SYT5: variants seen among roughly 807,000 people sequenced by gnomAD.
The protein encoded by SYT5 is synaptotagmin 5.
Under a neutral mutation model 36.0 loss-of-function variants are expected in SYT5, and 29 were observed. That is an observed-to-expected ratio of 0.81 (90% CI 0.60 to 1.10). The LOEUF (loss-of-function observed/expected upper bound fraction) is 1.10. SYT5 is among the 50% of genes least tolerant of loss of function. The pLI, the probability that SYT5 is intolerant of heterozygous loss-of-function variation, is 0.00. For synonymous variants in SYT5, 231 were observed against 227.6 expected (o/e 1.02, Z -0.14); for missense variants, 512 against 516.0 (o/e 0.99, Z 0.08).
At position 55,175,726 on chromosome 19, in the gene SYT5, C is replaced by T; in HGVS notation, c.523G>A (p.Glu175Lys). The change falls in exon 5 of 9, where the codon GAG (glutamate) becomes AAG (lysine). Residue 175 changes from glutamate (E) to lysine (K), a missense_variant. By Grantham distance (56) the Glu-to-Lys change is moderately conservative. Transcript: ENST00000354308. This position sits in a 1 kb window ranked among gnomAD's most constrained non-coding sequence, Gnocchi z 4.5. ...GAGCTCACCTTGAAGGCGAAGGTCT[C>T]CCCAAAGTGAGGGTTCAGCGTCTGC... is the stretch of plus-strand genomic sequence containing the variant. ...HRQTLNPHFG[E>K]TFAFKVPYVE... 6.2e-7 allele frequency: 1 copy of T among 1,613,804 alleles called. No individual in the cohort carries two copies. The highest frequency in any genetic ancestry group is 8.5e-7 in the Non-Finnish European group (1 of 1,180,008).
chr19:55,178,536 C>T (rs1407545683), intron 2 of SYT5, among the ~76,000 whole-genome samples, 168 bp from the exon 3 acceptor site: 2 of 152,142 alleles, frequency 1.3e-5, no homozygotes, highest in Admixed American at 1.3e-4. Context: ...TAGAGAGATT[C>T]GATGCCCCAA....
Position 55,175,179 on chromosome 19 carries a change from C to A in SYT5, c.701G>T (p.Arg234Leu). 6.3e-7 allele frequency: 1 copy of A among 1,599,244 alleles called. No homozygotes were observed. Among genetic ancestry groups the A allele is most frequent in the East Asian group, 2.3e-5 (1 of 43,960 alleles). Reference protein sequence around the residue: ...QAWRELQAAPREEQEKLGDIC... With the variant: ...QAWRELQAAPLEEQEKLGDIC... ...GCGACCGCGCATGCTCACCTCCTCC[C>A]GCGGAGCCGCCTGCAGCTCCCGCCA... is the stretch of plus-strand genomic sequence containing the variant. The change falls in exon 6 of 9, where the codon CGG becomes CTG. Residue 234 changes from arginine to leucine, a missense_variant. Coordinates refer to ENST00000354308, the MANE Select transcript of SYT5 (RefSeq NM_003180.3). This position sits in a 1 kb window ranked among gnomAD's most constrained non-coding sequence, Gnocchi z 4.5.
chr19:55,179,203 C>A lies in SYT5; in HGVS notation c.-45-117G>T, dbSNP rs2086116468. ...CAGAAACCGGACAGCCACCGCGAGT[C>A]ATGCTGGGAGTTGTAGTATCAGCCT... On this transcript the variant is annotated intron_variant, in intron 1 of 8. Transcript: ENST00000354308. The surrounding 1 kb of genome is among the most constrained non-coding windows in gnomAD (Gnocchi z 4.5). 1 of 1,530,486 alleles carries A rather than the reference C, an allele frequency of 6.5e-7. No homozygotes were observed. The allele number at this position is 1,530,486 out of a possible 1,614,324, so 94.8% of individuals were successfully genotyped here. A position where few individuals can be genotyped will look rare whatever the true frequency, so the allele number is the denominator to read the frequency against.
chr19:55,175,374 G>T lies in SYT5; in HGVS notation c.541-35C>A. On this transcript the variant is annotated intron_variant, in intron 5 of 8. Transcript: ENST00000354308. The surrounding 1 kb of genome is among the most constrained non-coding windows in gnomAD (Gnocchi z 4.5). ...ACAGAGAATCCGCAGTAGAGAGCAG[G>T]AAGTCAGAGATAGGGTGAGGCACAG... 1 of 1,501,988 alleles carries T rather than the reference G, an allele frequency of 6.7e-7. No homozygotes were observed. Among genetic ancestry groups the T allele is most frequent in the Admixed American group, 2.3e-5 (1 of 42,554 alleles). 93.0% of individuals were successfully genotyped at this position (1,501,988 alleles called of 1,614,324 possible).
Position 55,175,429 on chromosome 19 carries a change from C to A in SYT5, c.541-90G>T, listed in dbSNP as rs1190651614. The A allele has an allele frequency of 7.3e-7, 1 of 1,364,972 alleles. No individual in the cohort carries two copies. Among genetic ancestry groups the A allele is most frequent in the Non-Finnish European group, 9.7e-7 (1 of 1,026,248 alleles). 84.6% of individuals were successfully genotyped at this position (1,364,972 alleles called of 1,614,324 possible). A position where few individuals can be genotyped will look rare whatever the true frequency, so the allele number is the denominator to read the frequency against. On this transcript the variant is annotated intron_variant, in intron 5 of 8. Coordinates refer to ENST00000354308, the MANE Select transcript of SYT5 (RefSeq NM_003180.3). The surrounding 1 kb of genome is among the most constrained non-coding windows in gnomAD (Gnocchi z 4.5). ...ACCAGAAGGAAGGCATGGAGTGAGGCAGCGAGGGTCGAAGCGAACAGTTGG... is the reference window on the plus strand; with the variant it reads ...ACCAGAAGGAAGGCATGGAGTGAGGAAGCGAGGGTCGAAGCGAACAGTTGG...
intron 2 of SYT5, among the ~76,000 whole-genome samples, 197 bp from the exon 3 acceptor site, chr19:55,178,565 G>A (rs2086104205): frequency 6.6e-6 from 1 of 152,044 alleles, no homozygotes; most frequent in Non-Finnish European, 1.5e-5. Flanking sequence ...GACACCATCT[G>A]GATTTGCTTG....
chr19:55,173,857 G>A lies in SYT5; in HGVS notation c.961-173C>T, dbSNP rs534361944. 135 of 560,858 alleles carry A rather than the reference G, an allele frequency of 2.4e-4. No homozygotes were observed. Among genetic ancestry groups the A allele is most frequent in the Middle Eastern group, 1.6e-3 (3 of 1,922 alleles). 34.7% of individuals were successfully genotyped at this position (560,858 alleles called of 1,614,324 possible). ...AGACGAGAGGGACGGAGCCTGCGGCGAGGAGGAGGCTCTGGCGCCTTTCTT... is the reference window on the plus strand; with the variant it reads ...AGACGAGAGGGACGGAGCCTGCGGCAAGGAGGAGGCTCTGGCGCCTTTCTT... On this transcript the variant is annotated intron_variant, in intron 8 of 8. Transcript: ENST00000354308. This position sits in a 1 kb window ranked among gnomAD's most constrained non-coding sequence, Gnocchi z 5.4.
At chr19:55,178,808 C>T (rs1054750264) in intron 2 of SYT5, among the ~76,000 whole-genome samples, 155 bp downstream of exon 2, 1 of 135,028 alleles carries the variant, frequency 7.4e-6, no homozygotes, top group Non-Finnish European at 1.5e-5. Flanking sequence ...TTCCTTTTAC[C>T]CCATTTCGTT....
At chr19:55,178,842 C>G (rs1364419557) in intron 2 of SYT5, 121 bp downstream of exon 2, 3 of 1,184,710 alleles carry the variant, frequency 2.5e-6, no homozygotes, top group South Asian at 2.4e-5. Flanking sequence ...AGGATGACGA[C>G]CCGGGATCCC....
rs561836708 is a variant in SYT5, at chr19:55,176,071, C to G, written c.306G>C (p.Gln102His). 1.2e-5 allele frequency: 19 copies of G among 1,614,214 alleles called. 1 individual carries two copies. In the South Asian group the frequency reaches 2.0e-4, roughly 17 times the overall value. ...LEPAPSGPGQQVADKHELGRL... is the reference protein window; with the variant it reads ...LEPAPSGPGQHVADKHELGRL... ...GTCCTAGCTCATGCTTGTCTGCCAC[C>G]TGCTGCCCTGGCCCGGATGGTGCTG... The change falls in exon 4 of 9, where the codon CAG becomes CAC. Residue 102 changes from glutamine to histidine, a missense_variant. Transcript: ENST00000354308.
At chr19:55,174,275 A>T (rs7247661) in intron 8 of SYT5, among the ~76,000 whole-genome samples, 2 of 60,572 alleles carry the variant, frequency 3.3e-5, no homozygotes, top group Non-Finnish European at 5.4e-5. Context: ...AGCATCTGGT[A>T]CTGCTTAGGG....
At chr19:55,176,673 T>C (rs76489498) in intron 3 of SYT5, among the ~76,000 whole-genome samples, 11,067 of 152,210 alleles carry the variant, frequency 0.073, 915 homozygotes, top group Admixed American at 0.24. Context: ...CTTCAGGGAT[T>C]CTGACTTGAT....
Position 55,172,806 on chromosome 19 carries a change from G to A in SYT5, c.*678C>T, listed in dbSNP as rs763311144. The stretch of plus-strand genomic sequence containing the variant: ...GTGAGTCATGGGTGAGCAAGCGAGT[G>A]GATAAATTCATGGACAAGCAAGGGA... On this transcript the variant is annotated 3_prime_UTR_variant, in exon 9 of 9. Transcript: ENST00000354308. 2.6e-5 allele frequency: 4 copies of A among 152,264 alleles called. No individual in the cohort carries two copies. The highest frequency in any genetic ancestry group is 5.9e-5 in the Non-Finnish European group (4 of 68,064). 9.4% of individuals were successfully genotyped at this position (152,264 alleles called of 1,614,324 possible).
intron 2 of SYT5, 25 bp from the exon 3 acceptor site, chr19:55,178,393 C>T (rs747661020): frequency 8.1e-6 from 13 of 1,602,600 alleles, no homozygotes; most frequent in African/African-American, 1.3e-5. Flanking sequence ...AGACAACACA[C>T]ATTGAGGCCT....
chr19:55,175,866 C>A lies in SYT5; in HGVS notation c.383G>T (p.Gly128Val). The A allele has an allele frequency of 1.2e-6, 2 of 1,614,116 alleles. No individual in the cohort carries two copies. The highest frequency in any genetic ancestry group is 1.7e-6 in the Non-Finnish European group (2 of 1,180,010). The change falls in exon 5 of 9, where the codon GGC (glycine) becomes GTC (valine). Residue 128 changes from glycine (G) to valine (V), a missense_variant. Gly to Val is a moderately radical substitution (Grantham distance 109, BLOSUM62 -3). Coordinates refer to ENST00000354308, the MANE Select transcript of SYT5 (RefSeq NM_003180.3). The surrounding 1 kb of genome is among the most constrained non-coding windows in gnomAD (Gnocchi z 4.5). The part of the protein sequence containing the change: ...YDFQSGQLLV[G>V]ILQAMGLAAL... ...TGCCAATCCCATTGCTTGCAGAATG[C>A]CCACCAGCAGCTGCAGGGCCCAGGC...
In SYT5 at chr19:55,179,222, T is replaced by C. The variant is rs1433973153; in HGVS notation, c.-45-136A>G. On this transcript the variant is annotated intron_variant, in intron 1 of 8. Transcript: ENST00000354308. The surrounding 1 kb of genome is among the most constrained non-coding windows in gnomAD (Gnocchi z 4.5). Reference sequence around the variant, plus strand: ...GCGAGTCATGCTGGGAGTTGTAGTATCAGCCTCCCCGCACTTGAGAGGGGG... The same window carrying C: ...GCGAGTCATGCTGGGAGTTGTAGTACCAGCCTCCCCGCACTTGAGAGGGGG... 6.6e-6 allele frequency: 10 copies of C among 1,509,744 alleles called. No homozygotes were observed. Among genetic ancestry groups the C allele is most frequent in the Non-Finnish European group, 7.1e-6 (8 of 1,133,228 alleles). The allele number at this position is 1,509,744 out of a possible 1,614,324, so 93.5% of individuals were successfully genotyped here.
Position 55,175,275 on chromosome 19 carries a change from G to T in SYT5, c.605C>A (p.Ser202Tyr). 1 of 1,600,582 alleles carries T rather than the reference G, an allele frequency of 6.2e-7. No individual in the cohort carries two copies. The highest frequency in any genetic ancestry group is 8.5e-7 in the Non-Finnish European group (1 of 1,174,780). ...CACCTCCCCGATGGCGTCATTGCGA[G>T]AGAAGCGGTCGAAGTCGTACACCGC... ...VMAVYDFDRF[S>Y]RNDAIGEVRV... is the part of the protein sequence containing the mutation. Residue 202 changes from serine to tyrosine, a missense_variant, in exon 6 of 9, where the codon TCT becomes TAT. Physicochemically the swap from Ser to Tyr is moderately radical, Grantham distance 144 (BLOSUM62 -2). Coordinates refer to ENST00000354308, the MANE Select transcript of SYT5 (RefSeq NM_003180.3). The surrounding 1 kb of genome is among the most constrained non-coding windows in gnomAD (Gnocchi z 4.5).
chr19:55,175,236 C>T lies in SYT5; in HGVS notation c.644G>A (p.Ser215Asn). ...CACTGGCCGCCCCAGGTCCACGGAG[C>T]TCATAGGGACCCGCACCTCCCCGAT... Reference protein sequence around the residue: ...DAIGEVRVPMSSVDLGRPVQA... With the variant: ...DAIGEVRVPMNSVDLGRPVQA... The change falls in exon 6 of 9, where the codon AGC becomes AAC. Residue 215 changes from serine to asparagine, a missense_variant. Coordinates refer to ENST00000354308, the MANE Select transcript of SYT5 (RefSeq NM_003180.3). The surrounding 1 kb of genome is among the most constrained non-coding windows in gnomAD (Gnocchi z 4.5). 2 of 1,610,942 alleles carry T rather than the reference C, an allele frequency of 1.2e-6. No homozygotes were observed. The highest frequency in any genetic ancestry group is 1.3e-5 in the African/African-American group (1 of 74,858).
Position 55,174,494 on chromosome 19 carries a change from GAGAAGGGC to G in SYT5, c.960+15_960+22del. On this transcript the variant is annotated intron_variant, in intron 8 of 8. Coordinates refer to ENST00000354308, the MANE Select transcript of SYT5 (RefSeq NM_003180.3). The stretch of plus-strand genomic sequence containing the variant: ...CGATTACTAAAGGTCTGGGCTCTTG[GAGAAGGGC>G]AGGTTTGAGCTCACCTGGACTTGGT... The G allele has an allele frequency of 6.2e-7, 1 of 1,611,234 alleles. No individual in the cohort carries two copies. Among genetic ancestry groups the G allele is most frequent in the Non-Finnish European group, 8.5e-7 (1 of 1,178,510 alleles).
Sources: allele counts gnomAD v4.1 joint callset (sites outside exome capture counted in the v4.1 genomes callset), GRCh38; gene constraint gnomAD v4.1.1; non-coding constraint Gnocchi (gnomAD v3.1); transcripts MANE v1.5; gene names NCBI Gene and HGNC (gene_info 2026-07-23, HGNC 2026-07-21).